CAST: variants seen among roughly 807,000 people sequenced by gnomAD.
CAST encodes MIR583 host.
Under a neutral mutation model 119.6 loss-of-function variants are expected in CAST, and 76 were observed. The observed-to-expected ratio is 0.64, with a 90% CI of 0.53 to 0.77. The LOEUF (loss-of-function observed/expected upper bound fraction) is 0.77. Ranked by LOEUF, CAST falls within the 30% of genes least tolerant of loss-of-function variation. The pLI, the probability that CAST is intolerant of heterozygous loss-of-function variation, is 0.00. For missense variants in CAST, 953 were observed against 946.5 expected, an observed-to-expected ratio of 1.01 and a Z score of -0.09; for synonymous variants, 319 against 331.6, an observed-to-expected ratio of 0.96 and a Z score of 0.41.
At chr5:96,436,839 C>A in the CAST span, among the ~76,000 whole-genome samples, 1 of 152,068 alleles carries the variant, frequency 6.6e-6, no homozygotes, top group African/African-American at 2.4e-5. Flanking sequence ...GCCAGAAGTC[C>A]CTGAATTACT....
At chr5:96,392,785 G>A in the CAST span, 1 of 604,890 alleles carries the variant, frequency 1.7e-6, no homozygotes, top group East Asian at 2.8e-5. Context: ...AGACAGGAAA[G>A]ATGTGTTTTG....
chr5:96,425,851 T>C, the CAST span: 3 of 1,608,290 alleles, frequency 1.9e-6, no homozygotes, highest in African/African-American at 2.7e-5. Flanking sequence ...CATGGGATCA[T>C]TGAAGAGATT....
Position 96,702,802 on chromosome 5 carries a change from A to G in CAST, c.210+6895A>G, listed in dbSNP as rs373383658. The G allele has an allele frequency of 1.6e-4, 161 of 985,380 alleles. 1 individual carries two copies. In the South Asian group the frequency reaches 5.4e-3, roughly 33 times the overall value. The allele number at this position is 985,380 out of a possible 1,614,324, so 61.0% of individuals were successfully genotyped here. On this transcript the variant is annotated intron_variant, in intron 3 of 31. Transcript: ENST00000675179. Reference sequence around the variant, plus strand: ...TCCCGGGACCGCCCCGCCCCGTCGCACTCAGAGAGCTGGGCTGGAGCTCCA... The same window carrying G: ...TCCCGGGACCGCCCCGCCCCGTCGCGCTCAGAGAGCTGGGCTGGAGCTCCA...
the CAST span, among the ~76,000 whole-genome samples, chr5:96,136,118 T>C: frequency 2.6e-5 from 4 of 152,226 alleles, no homozygotes; most frequent in African/African-American, 9.6e-5. Context: ...TTGTAATTCT[T>C]CTCTCAGTGA....
the CAST span, among the ~76,000 whole-genome samples, chr5:96,047,121 A>G: frequency 5.3e-5 from 8 of 152,340 alleles, no homozygotes; most frequent in African/African-American, 1.7e-4. Context: ...TTACCTGGGA[A>G]TGTCAGACAT....
the CAST span, chr5:96,416,222 G>A: frequency 4.0e-5 from 33 of 816,402 alleles, no homozygotes; most frequent in East Asian, 5.2e-5. Context: ...ACTTTTTGTC[G>A]GCCTTGTTAC....
the CAST span, among the ~76,000 whole-genome samples, chr5:96,294,746 C>T: frequency 5.9e-5 from 9 of 152,264 alleles, no homozygotes; most frequent in Admixed American, 2.0e-4. Flanking sequence ...TATTTCTAGC[C>T]GCCAGGCTTT....
the CAST span, among the ~76,000 whole-genome samples, chr5:96,302,670 A>T: frequency 6.6e-6 from 1 of 152,216 alleles, no homozygotes; most frequent in Non-Finnish European, 1.5e-5. Flanking sequence ...AGTTCTACGG[A>T]TCCCTAGAGC....
chr5:96,597,162 T>G (rs1273218489), intron 1 of CAST, among the ~76,000 whole-genome samples: 1 of 152,218 alleles, frequency 6.6e-6, no homozygotes, highest in Admixed American at 6.5e-5. Context: ...CTCATATATT[T>G]CATTGTTATG....
the CAST span, among the ~76,000 whole-genome samples, chr5:96,321,324 A>T: frequency 6.6e-6 from 1 of 152,218 alleles, no homozygotes; most frequent in South Asian, 2.1e-4. Flanking sequence ...AAATGTCTCC[A>T]GACATTGACT....
At chr5:96,368,946 A>T in the CAST span, among the ~76,000 whole-genome samples, 1 of 152,116 alleles carries the variant, frequency 6.6e-6, no homozygotes, top group Non-Finnish European at 1.5e-5. Flanking sequence ...TTGCTGTTGC[A>T]TGAAACCTGT....
chr5:96,354,963 A>G, the CAST span, among the ~76,000 whole-genome samples: 2 of 151,918 alleles, frequency 1.3e-5, no homozygotes, highest in African/African-American at 4.8e-5. Context: ...GTCAGTACAG[A>G]TTTCAAAAAT....
At chr5:96,345,414 G>A in the CAST span, among the ~76,000 whole-genome samples, 1 of 152,076 alleles carries the variant, frequency 6.6e-6, no homozygotes, top group Non-Finnish European at 1.5e-5. Context: ...TTGATTCTGA[G>A]CTTATTCTGA....
At chr5:96,745,754 T>C (rs1437920682) in intron 16 of CAST, among the ~76,000 whole-genome samples, 1 of 152,212 alleles carries the variant, frequency 6.6e-6, no homozygotes, top group Non-Finnish European at 1.5e-5. Context: ...CTGGCATTAT[T>C]GAAGAGAGTC....
At chr5:96,643,981 G>A (rs1044183797) in intron 1 of CAST, among the ~76,000 whole-genome samples, 1 of 152,126 alleles carries the variant, frequency 6.6e-6, no homozygotes, top group Non-Finnish European at 1.5e-5. Flanking sequence ...AGGCCGCAGA[G>A]GTTGCAGTGA....
the CAST span, among the ~76,000 whole-genome samples, chr5:96,062,908 G>A: frequency 6.6e-6 from 1 of 152,118 alleles, no homozygotes; most frequent in Non-Finnish European, 1.5e-5. Flanking sequence ...GGGATGAAGA[G>A]GGTCAAGAAT....
chr5:96,587,012 A>G (rs1311507739), intron 1 of CAST, among the ~76,000 whole-genome samples: 1 of 152,246 alleles, frequency 6.6e-6, no homozygotes, highest in East Asian at 1.9e-4. Context: ...CTTCAAACCG[A>G]GATTTATTCA....
At chr5:96,339,120 A>G in the CAST span, among the ~76,000 whole-genome samples, 5 of 152,332 alleles carry the variant, frequency 3.3e-5, no homozygotes, top group South Asian at 2.1e-4. Flanking sequence ...TGATTATTAT[A>G]GTTTTTGATT....
intron 16 of CAST, among the ~76,000 whole-genome samples, 174 bp from the exon 17 acceptor site, chr5:96,746,168 C>A (rs1691099211): frequency 6.6e-6 from 1 of 152,188 alleles, no homozygotes; most frequent in South Asian, 2.1e-4. Context: ...CCCACTGCTC[C>A]CTTTCTCACA....
Sources: gnomAD v4.1 joint callset for allele counts (sites outside exome capture counted in the v4.1 genomes callset) on GRCh38, gnomAD v4.1.1 for gene constraint, MANE v1.5 for transcripts, NCBI Gene and HGNC (gene_info 2026-07-23, HGNC 2026-07-21) for gene names.